The following MBP variants were observed in gnomAD, a reference collection of about 807,000 sequenced individuals.
MBP encodes the protein Golli-MBP.
A neutral mutation model predicts 35.8 loss-of-function variants in MBP; 16 were observed. The observed-to-expected ratio is 0.45, with a 90% confidence interval of 0.30 to 0.68. The LOEUF (loss-of-function observed/expected upper bound fraction) is 0.68, where lower values mean the gene tolerates loss of function less well. Among genes scored for constraint, MBP ranks in the 30% least tolerant of loss-of-function variants. The probability of loss-of-function intolerance (pLI) is 0.08; values close to 1 mark genes in which losing one functional copy is unlikely to be tolerated. For synonymous variants in MBP, 143 were observed against 159.6 expected (o/e 0.90, Z 0.78); for missense variants, 380 against 404.7 (o/e 0.94, Z 0.52).
intron 3 of MBP, among the ~76,000 whole-genome samples, chr18:77,025,624 A>G (rs1379753301): frequency 6.6e-6 from 1 of 151,840 alleles, no homozygotes. Context: ...TAATCAGAAC[A>G]TGGCAGGAAT....
intron 3 of MBP, among the ~76,000 whole-genome samples, chr18:77,032,518 G>A (rs1972581550): frequency 6.6e-6 from 1 of 152,246 alleles, no homozygotes; most frequent in African/African-American, 2.4e-5. Flanking sequence ...CGTGTGCTAG[G>A]GGAGCCTCAG....
At chr18:77,014,201 A>G in intron 4 of MBP, 1 of 985,452 alleles carries the variant, frequency 1.0e-6, no homozygotes, top group Non-Finnish European at 1.2e-6. Flanking sequence ...CTTGAATGTC[A>G]GCTCCCAGCA....
At chr18:77,019,693 G>A (rs1971910409) in intron 3 of MBP, among the ~76,000 whole-genome samples, 1 of 152,234 alleles carries the variant, frequency 6.6e-6, no homozygotes, top group Admixed American at 6.5e-5. Context: ...GAACAGGAAA[G>A]CAGAGAGGGC....
At chr18:77,047,102 C>T (rs1437397047) in intron 3 of MBP, among the ~76,000 whole-genome samples, 7 of 152,184 alleles carry the variant, frequency 4.6e-5, no homozygotes, top group Non-Finnish European at 7.3e-5. Context: ...TGGAGCCGAA[C>T]GTAACAGACA....
chr18:77,065,980 C>T lies in MBP; in HGVS notation c.139+318G>A, dbSNP rs1184053384. The T allele has an allele frequency of 1.5e-5, 4 of 268,286 alleles. No individual in the cohort carries two copies. The Admixed American group carries it at 1.9e-4, about 13-fold the overall frequency. The allele number at this position is 268,286 out of a possible 1,614,324, so 16.6% of individuals were successfully genotyped here. On this transcript the variant is annotated intron_variant, in intron 3 of 8. Transcript: ENST00000355994. ...CCAAGTGATCCTCTCACTTCAGCCT[C>T]CCAAGTATCTGGGGCCACGGGTGCA...
chr18:77,121,263 T>A (rs1160087450), intron 1 of MBP, among the ~76,000 whole-genome samples: 2 of 151,502 alleles, frequency 1.3e-5, no homozygotes, highest in Non-Finnish European at 2.9e-5. Flanking sequence ...TGAGCTGTGA[T>A]CACACCACTG....
At chr18:77,029,186 A>T in intron 3 of MBP, among the ~76,000 whole-genome samples, 1 of 134,580 alleles carries the variant, frequency 7.4e-6, no homozygotes, top group Non-Finnish European at 1.7e-5. Flanking sequence ...AGGCTGGCGG[A>T]TCACTCGCGG....
intron 1 of MBP, chr18:77,110,191 C>A (rs1487811406): frequency 1.3e-5 from 2 of 152,172 alleles, no homozygotes; most frequent in African/African-American, 4.8e-5. Flanking sequence ...TTGAATGTCC[C>A]ATGTGGAAAG....
chr18:77,058,185 G>A (rs953027645), intron 3 of MBP, among the ~76,000 whole-genome samples: 1 of 152,160 alleles, frequency 6.6e-6, no homozygotes, highest in African/African-American at 2.4e-5. Flanking sequence ...ACCCTCCGGG[G>A]AGAAGAGGCA....
intron 3 of MBP, among the ~76,000 whole-genome samples, chr18:77,054,834 G>A (rs1025404596): frequency 6.6e-6 from 1 of 152,030 alleles, no homozygotes; most frequent in Non-Finnish European, 1.5e-5. Flanking sequence ...TCCTGTTAGC[G>A]GTGGGTAATG....
At chr18:77,121,323 T>TA (rs199775287) in intron 1 of MBP, among the ~76,000 whole-genome samples, 7,410 of 141,246 alleles carry the variant, frequency 0.052, 390 homozygotes, top group East Asian at 0.2. Flanking sequence ...AAAAAAAAAA[T>TA]AAATAAATAA....
intron 4 of MBP, among the ~76,000 whole-genome samples, chr18:76,997,942 A>C (rs1162420805): frequency 6.6e-6 from 1 of 151,872 alleles, no homozygotes; most frequent in Non-Finnish European, 1.5e-5. Context: ...TCGGCCTCCC[A>C]AAGTGCTGGG....
chr18:77,129,926 A>G (rs1383009052), intron 1 of MBP, among the ~76,000 whole-genome samples: 3 of 151,790 alleles, frequency 2.0e-5, no homozygotes, highest in Non-Finnish European at 4.4e-5. Flanking sequence ...GTGCGCCCCT[A>G]TAGTCCCAGC....
chr18:77,100,237 A>G (rs1042715169), intron 2 of MBP, among the ~76,000 whole-genome samples: 3 of 152,198 alleles, frequency 2.0e-5, no homozygotes, highest in African/African-American at 7.2e-5. Context: ...ACACACACAG[A>G]GAGACGACCA....
At position 76,980,230 on chromosome 18, in the gene MBP, G is replaced by C. The variant is rs939299135; in HGVS notation, c.*197C>G. On this transcript the variant is annotated 3_prime_UTR_variant, in exon 9 of 9. Transcript: ENST00000355994. ...AAAGGGACAGTTTTAACCGTTTTCT[G>C]TTTTCATGTTCTCATTTAACTGTTG... 8.6e-5 allele frequency: 59 copies of C among 683,354 alleles called. No individual in the cohort carries two copies. In the Admixed American group the frequency reaches 1.3e-3, roughly 15 times the overall value. 42.3% of individuals were successfully genotyped at this position (683,354 alleles called of 1,614,324 possible).
intron 3 of MBP, among the ~76,000 whole-genome samples, chr18:77,048,743 C>T (rs554714867): frequency 4.6e-4 from 70 of 152,086 alleles, no homozygotes; most frequent in African/African-American, 1.6e-3. Flanking sequence ...GGATTACAGG[C>T]GTGAGCCACC....
intron 4 of MBP, among the ~76,000 whole-genome samples, chr18:76,996,261 T>A (rs960280600): frequency 6.6e-6 from 1 of 152,246 alleles, no homozygotes; most frequent in Non-Finnish European, 1.5e-5. Context: ...ATACTTACCA[T>A]ATGACCCTGT....
intron 4 of MBP, among the ~76,000 whole-genome samples, chr18:77,009,517 C>A (rs1230363572): frequency 1.3e-5 from 2 of 152,248 alleles, no homozygotes; most frequent in Non-Finnish European, 2.9e-5. Context: ...ACTCCCGGGC[C>A]CCTCCACGCA....
intron 2 of MBP, among the ~76,000 whole-genome samples, chr18:77,099,835 C>T (rs552597214): frequency 6.6e-6 from 1 of 152,220 alleles, no homozygotes; most frequent in Non-Finnish European, 1.5e-5. Flanking sequence ...GAAGAAGGAA[C>T]CTTGCACAGG....
Sources: allele counts gnomAD v4.1 joint callset (sites outside exome capture counted in the v4.1 genomes callset), GRCh38; gene constraint gnomAD v4.1.1; transcripts MANE v1.5; gene names NCBI Gene and HGNC (gene_info 2026-07-23, HGNC 2026-07-21).